The following ANKRD55 variants were observed in gnomAD, a reference collection of about 807,000 sequenced individuals.
ANKRD55 encodes the protein ankyrin repeat domain-containing protein 55.
Under a neutral mutation model 60.6 loss-of-function variants are expected in ANKRD55, and 41 were observed. The observed-to-expected ratio is 0.68, with a 90% CI of 0.53 to 0.88. The LOEUF is 0.88. ANKRD55 is among the 40% of genes least tolerant of loss of function. The probability of loss-of-function intolerance (pLI) is 0.00; values close to 1 mark genes in which losing one functional copy is unlikely to be tolerated. For missense variants in ANKRD55, 732 were observed against 767.6 expected (o/e 0.95, Z 0.55); for synonymous variants, 264 against 290.3 (o/e 0.91, Z 0.92).
chr5:56,102,851 C>T (rs1277115071), intron 10 of ANKRD55, among the ~76,000 whole-genome samples: 3 of 152,070 alleles, frequency 2.0e-5, no homozygotes, highest in East Asian at 1.9e-4. Context: ...CTGGGTTACT[C>T]ACCCCATAAA....
chr5:56,228,710 C>T (rs968391024), intron 2 of ANKRD55, among the ~76,000 whole-genome samples: 1 of 152,172 alleles, frequency 6.6e-6, no homozygotes, highest in Non-Finnish European at 1.5e-5. Flanking sequence ...CAGGCATGAG[C>T]CACTGCACCC....
At chr5:56,135,343 C>CTTT in intron 7 of ANKRD55, among the ~76,000 whole-genome samples, 3 of 22,658 alleles carry the variant, frequency 1.3e-4, no homozygotes, top group African/African-American at 7.4e-4. Flanking sequence ...TTCTTTCTTT[C>CTTT]TTTCTTTCTT....
intron 2 of ANKRD55, among the ~76,000 whole-genome samples, chr5:56,187,174 A>C (rs919486298): frequency 2.0e-5 from 3 of 152,242 alleles, no homozygotes; most frequent in Non-Finnish European, 4.4e-5. Flanking sequence ...ATTGAAAGAC[A>C]GGACCAGCTG....
intron 6 of ANKRD55, among the ~76,000 whole-genome samples, chr5:56,149,500 C>T (rs1757988393): frequency 6.6e-6 from 1 of 152,236 alleles, no homozygotes; most frequent in Non-Finnish European, 1.5e-5. Context: ...AAAACAAAGC[C>T]TTCAGAATAG....
intron 6 of ANKRD55, among the ~76,000 whole-genome samples, chr5:56,149,052 AT>A (rs1420102585): frequency 6.6e-6 from 1 of 152,216 alleles, no homozygotes; most frequent in African/African-American, 2.4e-5. Flanking sequence ...ATTGGAATTA[AT>A]ATGTACTTTA....
At chr5:56,222,223 C>T (rs1759983657) in intron 2 of ANKRD55, among the ~76,000 whole-genome samples, 1 of 152,128 alleles carries the variant, frequency 6.6e-6, no homozygotes, top group South Asian at 2.1e-4. Flanking sequence ...CTGGTGATAC[C>T]CAGGCAAACA....
rs776490919 is a variant in ANKRD55, at chr5:56,143,998, T to C, written c.484-69A>G. The C allele has an allele frequency of 1.0e-4, 168 of 1,604,130 alleles. 1 individual carries two copies. The highest frequency in any genetic ancestry group is 1.3e-4 in the Non-Finnish European group (156 of 1,175,246). On this transcript the variant is annotated intron_variant, in intron 6 of 11. Coordinates refer to ENST00000341048, the MANE Select transcript of ANKRD55 (RefSeq NM_024669.3). ...CCAGGAAGAAAACTGGAGCTCACAC[T>C]TTCTCCTCAGGCCTGGGGGCCATCA...
At chr5:56,225,902 C>T (rs1760099120) in intron 2 of ANKRD55, among the ~76,000 whole-genome samples, 1 of 152,184 alleles carries the variant, frequency 6.6e-6, no homozygotes, top group African/African-American at 2.4e-5. Context: ...AATGGCCATA[C>T]TGCCCAAGGT....
At chr5:56,136,962 T>C in intron 7 of ANKRD55, 1 of 530,352 alleles carries the variant, frequency 1.9e-6, no homozygotes, top group Non-Finnish European at 3.5e-6. Context: ...CTAAGTGGCC[T>C]CAGCTAATCT....
At chr5:56,153,773 G>T (rs950032324) in intron 6 of ANKRD55, among the ~76,000 whole-genome samples, 10 of 150,852 alleles carry the variant, frequency 6.6e-5, no homozygotes. Flanking sequence ...GGAGGTGGAG[G>T]TTGCAGTGAG....
rs1758980510 is a variant in ANKRD55, at chr5:56,186,608, C to T, written c.59-2974G>A. On this transcript the variant is annotated intron_variant, in intron 2 of 11. Transcript: ENST00000341048. The stretch of plus-strand genomic sequence containing the variant: ...TGGCATATAATAGTGTATATATTTG[C>T]TGTGACTACTGCTACTTAAAAAATT... Among the ~76,000 whole-genome samples the T allele has an allele frequency of 2.0e-5, 3 of 152,274 alleles. No individual in the cohort carries two copies. The South Asian group carries it at 6.2e-4, about 32-fold the overall frequency.
chr5:56,147,710 C>T (rs1239675992), intron 6 of ANKRD55, among the ~76,000 whole-genome samples: 1 of 152,140 alleles, frequency 6.6e-6, no homozygotes, highest in African/African-American at 2.4e-5. Flanking sequence ...GGGAAATTTC[C>T]TGCCGCTTTT....
intron 5 of ANKRD55, among the ~76,000 whole-genome samples, chr5:56,170,150 C>CTA (rs2111812095): frequency 6.6e-6 from 1 of 152,336 alleles, no homozygotes; most frequent in South Asian, 2.1e-4. Context: ...CTCCCAGCTC[C>CTA]TAGAGGCTGG....
At position 56,137,309 on chromosome 5, in the gene ANKRD55, T is replaced by C. The variant is rs1757632160; in HGVS notation, c.612+6492A>G. The C allele has an allele frequency of 1.1e-5, 17 of 1,544,354 alleles. No individual in the cohort carries two copies. The South Asian group carries it at 1.5e-4, about 13-fold the overall frequency. On this transcript the variant is annotated intron_variant, in intron 7 of 11. Transcript: ENST00000341048. ...AACTTATGGGTTTCGATGTAGATTATCTGGTCATTGAGCATATCCATGGGA... is the reference window on the plus strand; with the variant it reads ...AACTTATGGGTTTCGATGTAGATTACCTGGTCATTGAGCATATCCATGGGA...
intron 2 of ANKRD55, among the ~76,000 whole-genome samples, chr5:56,197,893 C>A (rs1759263666): frequency 6.6e-6 from 1 of 152,188 alleles, no homozygotes; most frequent in African/African-American, 2.4e-5. Flanking sequence ...TTCTTTGAGA[C>A]TGTCAAACCA....
chr5:56,120,037 C>T (rs569672454), intron 8 of ANKRD55, among the ~76,000 whole-genome samples: 1 of 144,950 alleles, frequency 6.9e-6, no homozygotes, highest in South Asian at 2.3e-4. Flanking sequence ...CTTTTCTCAA[C>T]ACCATTTTTT....
chr5:56,205,537 AGT>A lies in ANKRD55; in HGVS notation c.59-21905_59-21904del, dbSNP rs142835511. The stretch of plus-strand genomic sequence containing the variant: ...AGGTTCTGACCAAACCCATCTTGGC[AGT>A]GTTCTTGAGGAGACAGCTGTATTGA... On this transcript the variant is annotated intron_variant, in intron 2 of 11. Coordinates refer to ENST00000341048, the MANE Select transcript of ANKRD55 (RefSeq NM_024669.3). Among the ~76,000 whole-genome samples the A allele has an allele frequency of 3.1e-4, 47 of 152,324 alleles. No homozygotes were observed. The East Asian group carries it at 7.3e-3, about 24-fold the overall frequency.
intron 4 of ANKRD55, among the ~76,000 whole-genome samples, chr5:56,175,418 C>T (rs1221556633): frequency 6.6e-6 from 1 of 152,136 alleles, no homozygotes; most frequent in African/African-American, 2.4e-5. Flanking sequence ...GGATGACCTC[C>T]ATGTGGTGGT....
chr5:56,187,252 A>G lies in ANKRD55; in HGVS notation c.59-3618T>C, dbSNP rs554444362. ...GGTGACTGCATCCACCTTTAAACAC[A>G]GGGCTTGCAACTTAGCTCACACCCG... On this transcript the variant is annotated intron_variant, in intron 2 of 11. Transcript: ENST00000341048. Among the ~76,000 whole-genome samples the G allele has an allele frequency of 2.5e-3, 378 of 152,340 alleles. 1 individual carries two copies. Among genetic ancestry groups the G allele is most frequent in the African/African-American group, 8.4e-3 (351 of 41,584 alleles).
Sources: allele counts gnomAD v4.1 joint callset (sites outside exome capture counted in the v4.1 genomes callset), GRCh38; gene constraint gnomAD v4.1.1; transcripts MANE v1.5; gene names NCBI Gene and HGNC (gene_info 2026-07-23, HGNC 2026-07-21).